COBL: variants seen among roughly 807,000 people sequenced by gnomAD.
The protein encoded by COBL is protein cordon-bleu.
Under a neutral mutation model 98.8 loss-of-function variants are expected in COBL, and 51 were observed. That is an observed-to-expected ratio of 0.52 (90% CI 0.41 to 0.65). The LOEUF (loss-of-function observed/expected upper bound fraction) is 0.65. Ranked by LOEUF, COBL falls within the 30% of genes least tolerant of loss-of-function variation. COBL has a pLI of 0.00. For synonymous variants in COBL, 634 were observed against 651.7 expected (o/e 0.97, Z 0.41); for missense variants, 1,617 against 1,617.5 (o/e 1.00, Z 0.01).
intron 4 of COBL, among the ~76,000 whole-genome samples, chr7:51,187,331 T>TACAC (rs1303777271): frequency 7.3e-4 from 74 of 101,452 alleles, no homozygotes; most frequent in Middle Eastern, 4.5e-3. Context: ...TATATATATA[T>TACAC]ACACACACAC....
intron 6 of COBL, among the ~76,000 whole-genome samples, chr7:51,099,950 T>C (rs530632921): frequency 6.6e-6 from 1 of 152,326 alleles, no homozygotes; most frequent in East Asian, 1.9e-4. Flanking sequence ...TGTGGTGTTC[T>C]AGTCTTTTAG....
chr7:51,279,658 A>C lies in COBL; in HGVS notation c.41+36935T>G, dbSNP rs1031751185. On this transcript the variant is annotated intron_variant, in intron 1 of 12. Coordinates refer to ENST00000265136, the MANE Select transcript of COBL (RefSeq NM_015198.5). ...TTATCACCCAGCGTCCACAACCTAC[A>C]TTAAGGTTCACCTGTGGTGTCGCAC... is the stretch of plus-strand genomic sequence containing the variant. Among the ~76,000 whole-genome samples the C allele has an allele frequency of 2.6e-5, 4 of 152,286 alleles. 1 individual carries two copies. Among genetic ancestry groups the C allele is most frequent in the African/African-American group, 7.2e-5 (3 of 41,570 alleles).
chr7:51,199,116 C>T (rs910781178), intron 2 of COBL, among the ~76,000 whole-genome samples: 6 of 152,296 alleles, frequency 3.9e-5, no homozygotes, highest in African/African-American at 1.4e-4. Context: ...GACCTCAGAC[C>T]CAACTGCAGA....
At chr7:51,119,920 G>T (rs181840889) in intron 6 of COBL, among the ~76,000 whole-genome samples, 1 of 152,224 alleles carries the variant, frequency 6.6e-6, no homozygotes, top group East Asian at 1.9e-4. Flanking sequence ...TGAGTGACTT[G>T]CCCAAAGTTG....
intron 5 of COBL, among the ~76,000 whole-genome samples, chr7:51,169,021 G>A (rs1584036785): frequency 6.6e-6 from 1 of 152,132 alleles, no homozygotes; most frequent in Non-Finnish European, 1.5e-5. Flanking sequence ...AGAAGAGGGG[G>A]TTGGACATGC....
intron 6 of COBL, among the ~76,000 whole-genome samples, chr7:51,101,829 G>A (rs1583797200): frequency 1.3e-5 from 2 of 152,178 alleles, no homozygotes; most frequent in East Asian, 1.9e-4. Flanking sequence ...TTTCCTTCCC[G>A]CAACCAGGAA....
At chr7:51,132,699 C>G (rs889941434) in intron 6 of COBL, among the ~76,000 whole-genome samples, 1 of 152,142 alleles carries the variant, frequency 6.6e-6, no homozygotes, top group East Asian at 1.9e-4. Flanking sequence ...CTCATGGTTC[C>G]ATAGACTGTA....
chr7:51,117,824 T>C (rs1797413196), intron 6 of COBL, among the ~76,000 whole-genome samples: 1 of 152,220 alleles, frequency 6.6e-6, no homozygotes, highest in African/African-American at 2.4e-5. Flanking sequence ...CTAGATTCCC[T>C]CATATTCCTC....
chr7:51,233,555 AG>A (rs1794963867), intron 1 of COBL, among the ~76,000 whole-genome samples: 1 of 152,228 alleles, frequency 6.6e-6, no homozygotes, highest in African/African-American at 2.4e-5. Context: ...GCGCTCTGAA[AG>A]GCATCTCTGC....
intron 1 of COBL, among the ~76,000 whole-genome samples, chr7:51,288,082 T>A (rs1049087402): frequency 3.3e-5 from 5 of 152,140 alleles, no homozygotes; most frequent in Admixed American, 1.3e-4. Flanking sequence ...TTAAAATTCA[T>A]GGAATTATGA....
At chr7:51,044,087 T>A (rs146660366) in intron 7 of COBL, among the ~76,000 whole-genome samples, 141 of 152,220 alleles carry the variant, frequency 9.3e-4, no homozygotes, top group Non-Finnish European at 1.8e-3. Context: ...ACAATTAGAG[T>A]TTTTGGAAAT....
rs533801835 is a variant in COBL at position 51,284,844 on chromosome 7, T to G, written c.41+31749A>C. The stretch of plus-strand genomic sequence containing the variant: ...TCCGTCTCAAAAAAAAAAAAAGGTA[T>G]AAAAAAACCTACCTCCAATATCAAG... On this transcript the variant is annotated intron_variant, in intron 1 of 12. Coordinates refer to ENST00000265136, the MANE Select transcript of COBL (RefSeq NM_015198.5). Among the ~76,000 whole-genome samples, 535 of 150,192 alleles carry G rather than the reference T, an allele frequency of 3.6e-3. 1 individual carries two copies. Among genetic ancestry groups the G allele is most frequent in the African/African-American group, 0.013 (518 of 40,990 alleles).
chr7:51,236,054 C>A (rs1795227764), intron 1 of COBL, among the ~76,000 whole-genome samples: 1 of 152,178 alleles, frequency 6.6e-6, no homozygotes, highest in African/African-American at 2.4e-5. Flanking sequence ...AAGCAGGGGC[C>A]TGGGCTCACT....
chr7:51,142,077 C>T (rs561240728), intron 5 of COBL, among the ~76,000 whole-genome samples: 1 of 152,152 alleles, frequency 6.6e-6, no homozygotes, highest in Non-Finnish European at 1.5e-5. Flanking sequence ...AAAGAAAGAA[C>T]CATGAAGCAT....
intron 7 of COBL, chr7:51,082,916 C>A: frequency 1.3e-6 from 1 of 761,638 alleles, no homozygotes. Flanking sequence ...ACACTGCATT[C>A]AGCATTGGGA....
chr7:51,043,874 T>C (rs577030534), intron 7 of COBL, among the ~76,000 whole-genome samples, 182 bp from the exon 8 acceptor site: 1 of 152,166 alleles, frequency 6.6e-6, no homozygotes, highest in Admixed American at 6.5e-5. Context: ...TCACAGGGAG[T>C]CATTTGTGTA....
rs778955062 is a variant in COBL, at chr7:51,029,055, C to T, written c.2041G>A (p.Ala681Thr). ...VNEKDSNDKNAALAPTSWHQR... is the reference protein window; with the variant it reads ...VNEKDSNDKNTALAPTSWHQR... Reference sequence around the variant, plus strand: ...TGCCATGATGTTGGTGCCAAGGCAGCGTTTTTATCGTTGCTGTCCTTTTCA... The same window carrying T: ...TGCCATGATGTTGGTGCCAAGGCAGTGTTTTTATCGTTGCTGTCCTTTTCA... The change falls in exon 10 of 13, where the codon GCT (alanine) becomes ACT (threonine). Residue 681 changes from alanine (A) to threonine (T), a missense_variant. Physicochemically the swap from Ala to Thr is moderately conservative, Grantham distance 58. Coordinates refer to ENST00000265136, the MANE Select transcript of COBL (RefSeq NM_015198.5). 15 of 1,614,018 alleles carry T rather than the reference C, an allele frequency of 9.3e-6. No individual in the cohort carries two copies. Among genetic ancestry groups the T allele is most frequent in the East Asian group, 2.2e-5 (1 of 44,882 alleles).
intron 5 of COBL, among the ~76,000 whole-genome samples, chr7:51,157,099 G>A (rs555316642): frequency 1.3e-5 from 2 of 152,256 alleles, no homozygotes; most frequent in East Asian, 1.9e-4. Flanking sequence ...AGCCAGACAC[G>A]GTGGCTCACG....
At chr7:51,228,773 G>A (rs1215381839) in intron 1 of COBL, among the ~76,000 whole-genome samples, 1 of 152,158 alleles carries the variant, frequency 6.6e-6, no homozygotes, top group Non-Finnish European at 1.5e-5. Context: ...AGCAAGTGAA[G>A]AAAGAGCCTG....
Sources: gnomAD v4.1 joint callset for allele counts (sites outside exome capture counted in the v4.1 genomes callset) on GRCh38, gnomAD v4.1.1 for gene constraint, MANE v1.5 for transcripts, NCBI Gene and HGNC (gene_info 2026-07-23, HGNC 2026-07-21) for gene names.